Variants in GRAMD4 observed in about 807,000 individuals in gnomAD.
GRAMD4 encodes the protein GRAM domain containing 4, also known as GRAM domain-containing protein 4.
GRAMD4 carries 25 observed loss-of-function variants against 83.9 expected under a neutral mutation model. The ratio of observed to expected loss-of-function variants is 0.30; its 90% confidence interval spans 0.22 to 0.42. The LOEUF (loss-of-function observed/expected upper bound fraction) is 0.42, where lower values mean the gene tolerates loss of function less well. Among genes scored for constraint, GRAMD4 ranks in the 10% least tolerant of loss-of-function variants. GRAMD4 has a pLI of 1.00. For missense variants in GRAMD4, 593 were observed against 788.7 expected (o/e 0.75, Z 2.97); for synonymous variants, 336 against 320.9 (o/e 1.05, Z -0.50).
Position 46,672,208 on chromosome 22 carries a change from C to T in GRAMD4, c.1085-635C>T, listed in dbSNP as rs1253300763. On this transcript the variant is annotated intron_variant, in intron 13 of 18. Coordinates refer to ENST00000406902, the MANE Select transcript of GRAMD4 (RefSeq NM_015124.5). This position sits in a 1 kb window ranked among gnomAD's most constrained non-coding sequence, Gnocchi z 4.7. ...GTGGGGTCCTGGGGCGCAGTCAGGC[C>T]TGGCTCTTCTGAGGTCGTGTTTAGT... is the stretch of plus-strand genomic sequence containing the variant. Among the ~76,000 whole-genome samples, 1 of 152,228 alleles carries T rather than the reference C, an allele frequency of 6.6e-6. No individual in the cohort carries two copies. The highest frequency in any genetic ancestry group is 1.5e-5 in the Non-Finnish European group (1 of 68,044).
At chr22:46,577,174 C>T (rs1468140733) in exon 1 of GRAMD4, 1 of 574,250 alleles carries the variant, frequency 1.7e-6, no homozygotes, top group African/African-American at 2.0e-5. Context: ...GCCGCCTCCT[C>T]CCGGCTCCCC....
At chr22:46,597,711 G>C (rs529485134) in intron 1 of GRAMD4, among the ~76,000 whole-genome samples, 1 of 151,898 alleles carries the variant, frequency 6.6e-6, no homozygotes, top group African/African-American at 2.4e-5. Context: ...GGATGGTCTC[G>C]ATCTCCTGAC....
chr22:46,582,432 G>A (rs968001700), intron 1 of GRAMD4, among the ~76,000 whole-genome samples: 3 of 152,168 alleles, frequency 2.0e-5, no homozygotes, highest in African/African-American at 4.8e-5. Context: ...CCCCTCCAGG[G>A]AGGCCTCCCA....
chr22:46,674,527 C>T lies in GRAMD4; in HGVS notation c.1385-130C>T. On this transcript the variant is annotated intron_variant, in intron 15 of 18. Transcript: ENST00000406902. ...CACTCTTGCCGGCGCGCCTTCCTCT[C>T]ACTGTGGGTGTGACGTGAGCGCGGT... 4.0e-6 allele frequency: 3 copies of T among 748,738 alleles called. No homozygotes were observed. In the East Asian group the frequency reaches 7.4e-5, roughly 19 times the overall value. The allele number at this position is 748,738 out of a possible 1,614,324, so 46.4% of individuals were successfully genotyped here. A position where few individuals can be genotyped will look rare whatever the true frequency, so the allele number is the denominator to read the frequency against.
chr22:46,598,060 C>A (rs1569251533), intron 1 of GRAMD4, among the ~76,000 whole-genome samples: 1 of 152,176 alleles, frequency 6.6e-6, no homozygotes, highest in Non-Finnish European at 1.5e-5. Flanking sequence ...CAGCTCACTG[C>A]AACCTCCACC....
Position 46,579,298 on chromosome 22 carries a change from A to T in GRAMD4, c.-50+2008A>T, listed in dbSNP as rs190972083. Among the ~76,000 whole-genome samples, 727 of 152,308 alleles carry T rather than the reference A, an allele frequency of 4.8e-3. 8 individuals carry two copies. Among genetic ancestry groups the T allele is most frequent in the Non-Finnish European group, 6.3e-3 (428 of 68,022 alleles). On this transcript the variant is annotated intron_variant, in intron 1 of 1. Coordinates refer to the GRAMD4 transcript ENST00000431155. ...ATCTGTGGAGCCCGGCGCCGGCGTT[A>T]GGTGATCTTTGCTCTCCGCTCTCCC...
intron 1 of GRAMD4, chr22:46,587,815 G>C (rs1046547264): frequency 1.4e-6 from 1 of 704,520 alleles, no homozygotes; most frequent in Non-Finnish European, 1.7e-6. Context: ...CAGTGGAGGT[G>C]GCAGATGTTT....
intron 1 of GRAMD4, among the ~76,000 whole-genome samples, chr22:46,584,870 G>A (rs937050064): frequency 6.6e-6 from 1 of 152,232 alleles, no homozygotes; most frequent in Non-Finnish European, 1.5e-5. Flanking sequence ...CCAGAGTCCG[G>A]CCTCCTCGGG....
intron 1 of GRAMD4, among the ~76,000 whole-genome samples, chr22:46,623,833 G>C (rs1237957303): frequency 6.6e-6 from 1 of 150,464 alleles, no homozygotes. Flanking sequence ...CCAGGCTGGA[G>C]TGCAGTGGCG....
In GRAMD4 at chr22:46,654,322, G is replaced by A. The variant is rs866125806; in HGVS notation, c.284-3865G>A. Reference sequence around the variant, plus strand: ...CCACCAAGGGCTTCAGGGCCAGCCCGGGCTCACGCAGTGGGTTCACATGCT... The same window carrying A: ...CCACCAAGGGCTTCAGGGCCAGCCCAGGCTCACGCAGTGGGTTCACATGCT... On this transcript the variant is annotated intron_variant, in intron 3 of 18. Coordinates refer to ENST00000406902, the MANE Select transcript of GRAMD4 (RefSeq NM_015124.5). Among the ~76,000 whole-genome samples the A allele has an allele frequency of 2.6e-5, 4 of 152,300 alleles. No individual in the cohort carries two copies. The East Asian group carries it at 5.8e-4, about 22-fold the overall frequency.
intron 1 of GRAMD4, among the ~76,000 whole-genome samples, chr22:46,594,472 G>A (rs901943578): frequency 2.6e-5 from 4 of 152,216 alleles, no homozygotes; most frequent in Admixed American, 6.5e-5. Flanking sequence ...GTGGGGTGGC[G>A]GGAGCACTGG....
At chr22:46,585,528 C>T (rs1410605851) in intron 1 of GRAMD4, among the ~76,000 whole-genome samples, 1 of 152,186 alleles carries the variant, frequency 6.6e-6, no homozygotes, top group Non-Finnish European at 1.5e-5. Context: ...AACTTCGGCC[C>T]TAGACCCAGG....
intron 6 of GRAMD4, among the ~76,000 whole-genome samples, chr22:46,663,443 A>G (rs1395302036): frequency 6.6e-6 from 1 of 152,150 alleles, no homozygotes; most frequent in African/African-American, 2.4e-5. Flanking sequence ...GGCTCAGCCC[A>G]CTGCCTGGGG....
intron 1 of GRAMD4, among the ~76,000 whole-genome samples, chr22:46,602,785 G>T: frequency 9.9e-6 from 1 of 101,202 alleles, no homozygotes. Flanking sequence ...TTTTGAGGCA[G>T]AGTCTCTGTC....
Position 46,679,027 on chromosome 22 carries a change from G to T in GRAMD4, c.*1776G>T. 1.0e-6 allele frequency: 1 copy of T among 985,686 alleles called. No homozygotes were observed. The highest frequency in any genetic ancestry group is 1.2e-6 in the Non-Finnish European group (1 of 829,956). 61.1% of individuals were successfully genotyped at this position (985,686 alleles called of 1,614,324 possible). A position where few individuals can be genotyped will look rare whatever the true frequency, so the allele number is the denominator to read the frequency against. ...GGACTGGCTCTCTTGGTGCACCAGG[G>T]GAGGGGGACATATCCCAGTGAACCC... On this transcript the variant is annotated 3_prime_UTR_variant, in exon 19 of 19. Transcript: ENST00000406902.
chr22:46,675,927 G>C (rs756263342), intron 17 of GRAMD4, among the ~76,000 whole-genome samples: 2 of 152,228 alleles, frequency 1.3e-5, no homozygotes, highest in Non-Finnish European at 2.9e-5. Context: ...TCAGATGGTC[G>C]CGCCCGCTCT....
rs368252333 is a variant in GRAMD4, at chr22:46,645,412, G to A, written c.283+7452G>A. ...TCTCTGCCTCGCCTGACCTGCAGGA[G>A]GGCGTGCTGACATGGAGAGCTGTGT... On this transcript the variant is annotated intron_variant, in intron 3 of 18. Coordinates refer to ENST00000406902, the MANE Select transcript of GRAMD4 (RefSeq NM_015124.5). 3.0e-4 allele frequency among the ~76,000 whole-genome samples: 46 copies of A among 152,318 alleles called. No individual in the cohort carries two copies. In the South Asian group the frequency reaches 9.5e-3, roughly 32 times the overall value.
intron 1 of GRAMD4, among the ~76,000 whole-genome samples, chr22:46,587,081 C>T (rs1009555462): frequency 6.6e-6 from 1 of 152,210 alleles, no homozygotes; most frequent in South Asian, 2.1e-4. Context: ...GCCCACTCTG[C>T]GCCCAGTGGC....
upstream of GRAMD4, chr22:46,620,227 C>T (rs778899458): frequency 5.2e-4 from 405 of 781,106 alleles, no homozygotes; most frequent in East Asian, 6.4e-4. This position sits in a 1 kb window ranked among gnomAD's most constrained non-coding sequence, Gnocchi z 4.7. Flanking sequence ...AGCAATTCAG[C>T]GGTTTCCAGA....
Sources: gnomAD v4.1 joint callset for allele counts (sites outside exome capture counted in the v4.1 genomes callset) on GRCh38, gnomAD v4.1.1 for gene constraint, Gnocchi (gnomAD v3.1) non-coding constraint, MANE v1.5 for transcripts, NCBI Gene and HGNC (gene_info 2026-07-23, HGNC 2026-07-21) for gene names.